The following WASF3 variants were observed in gnomAD, a reference collection of about 807,000 sequenced individuals.
The protein encoded by WASF3 is actin-binding protein WASF3.
In WASF3, 11 loss-of-function variants were observed where a neutral mutation model predicts 46.6. That is an observed-to-expected ratio of 0.24 (90% CI 0.15 to 0.39). The LOEUF is 0.39. Among genes scored for constraint, WASF3 ranks in the 10% least tolerant of loss-of-function variants. WASF3 has a pLI of 1.00. For missense variants in WASF3, 576 were observed against 669.8 expected, an observed-to-expected ratio of 0.86 and a Z score of 1.55; for synonymous variants, 242 against 259.7, an observed-to-expected ratio of 0.93 and a Z score of 0.65.
chr13:26,635,135 A>G (rs1028709354), intron 2 of WASF3, among the ~76,000 whole-genome samples: 1 of 152,200 alleles, frequency 6.6e-6, no homozygotes, highest in Non-Finnish European at 1.5e-5. Context: ...AGTCAAACGT[A>G]GATTTGGTCT....
chr13:26,640,787 T>C (rs1188409958), intron 2 of WASF3: 6 of 152,182 alleles, frequency 3.9e-5, no homozygotes, highest in African/African-American at 1.2e-4. Context: ...TTGGTGATCC[T>C]TGACTCTTAT....
chr13:26,554,571 A>C (rs1879059361), upstream of WASF3, among the ~76,000 whole-genome samples: 1 of 152,222 alleles, frequency 6.6e-6, no homozygotes, highest in Non-Finnish European at 1.5e-5. Context: ...TTAAGAAACG[A>C]AACTTTCTTT....
rs765801765 is a variant in WASF3 at position 26,682,853 on chromosome 13, C to T, written c.1230C>T (p.Pro410=). The change falls in exon 9 of 10, where the codon CCC becomes CCT. Residue 410 remains proline (P), a synonymous_variant. Transcript: ENST00000335327. This position sits in a 1 kb window ranked among gnomAD's most constrained non-coding sequence, Gnocchi z 4.4. ...PPPPPPGPPG[P]GSSLSSSPMH... ...CTCCCCCGCCAGGCCCTCCTGGTCC[C>T]GGGTCTTCTCTTTCGTCCTCCCCAA... 1.1e-5 allele frequency: 18 copies of T among 1,611,700 alleles called. No individual in the cohort carries two copies. Among genetic ancestry groups the T allele is most frequent in the Middle Eastern group, 3.3e-4 (2 of 6,062 alleles).
intron 1 of WASF3, among the ~76,000 whole-genome samples, chr13:26,568,742 T>G (rs1879546363): frequency 6.6e-6 from 1 of 152,206 alleles, no homozygotes. Context: ...TTTGCCATCT[T>G]TGCCAGAGAG....
At chr13:26,681,377 C>G in intron 8 of WASF3, 57 bp downstream of exon 8, 1 of 1,492,686 alleles carries the variant, frequency 6.7e-7, no homozygotes, top group Non-Finnish European at 8.9e-7. Flanking sequence ...GAATCTTGCT[C>G]TATGTGGTAG....
chr13:26,655,946 C>T (rs756726132), intron 3 of WASF3, among the ~76,000 whole-genome samples: 3 of 151,980 alleles, frequency 2.0e-5, no homozygotes, highest in African/African-American at 7.3e-5. Context: ...GGTTTTCTGC[C>T]CTCAGCCCTG....
intron 2 of WASF3, among the ~76,000 whole-genome samples, chr13:26,639,427 A>G (rs1881927541): frequency 1.3e-5 from 2 of 152,228 alleles, no homozygotes; most frequent in Admixed American, 1.3e-4. Context: ...CAATCAGCAA[A>G]CATTTTTTGA....
chr13:26,621,034 C>T (rs1224580091), intron 2 of WASF3, among the ~76,000 whole-genome samples: 1 of 152,096 alleles, frequency 6.6e-6, no homozygotes, highest in Non-Finnish European at 1.5e-5. Context: ...TTCACTCTTC[C>T]ATCCTCAAAC....
At chr13:26,680,240 C>T (rs1883185880) in intron 7 of WASF3, 5 of 1,525,690 alleles carry the variant, frequency 3.3e-6, no homozygotes, top group African/African-American at 2.8e-5. Context: ...CAGACTCAGA[C>T]TGCCCCTGCT....
At chr13:26,546,539 C>G in the WASF3 span, among the ~76,000 whole-genome samples, 1 of 151,990 alleles carries the variant, frequency 6.6e-6, no homozygotes, top group Non-Finnish European at 1.5e-5. Flanking sequence ...GGTGAAACCC[C>G]GTCTCTACTA....
chr13:26,671,651 A>AG (rs1882927209), intron 5 of WASF3, among the ~76,000 whole-genome samples: 1 of 152,118 alleles, frequency 6.6e-6, no homozygotes, highest in Non-Finnish European at 1.5e-5. Context: ...AATTTGCAAG[A>AG]GTACTTTTAA....
chr13:26,684,621 G>C (rs1883344180), intron 9 of WASF3, among the ~76,000 whole-genome samples: 1 of 152,126 alleles, frequency 6.6e-6, no homozygotes, highest in South Asian at 2.1e-4. Context: ...TTGTGATTTT[G>C]ATATTTTGGG....
chr13:26,597,771 C>A (rs1221418241), intron 1 of WASF3, among the ~76,000 whole-genome samples: 1 of 152,128 alleles, frequency 6.6e-6, no homozygotes, highest in East Asian at 1.9e-4. Context: ...CAGCTTCATC[C>A]ATGTCCCTAC....
At chr13:26,677,987 G>GA (rs144439639) in intron 7 of WASF3, among the ~76,000 whole-genome samples, 10,194 of 152,220 alleles carry the variant, frequency 0.067, 382 homozygotes, top group South Asian at 0.1. Context: ...TCAGTTGAAT[G>GA]ATACTCCTTC....
intron 2 of WASF3, 106 bp from the exon 3 acceptor site, chr13:26,642,155 G>T: frequency 7.9e-7 from 1 of 1,269,118 alleles, no homozygotes. Context: ...AGAAATTTTA[G>T]GATAATGAAA....
At chr13:26,540,070 T>A in the WASF3 span, among the ~76,000 whole-genome samples, 1 of 152,112 alleles carries the variant, frequency 6.6e-6, no homozygotes, top group Non-Finnish European at 1.5e-5. Context: ...GTCCTAAGAC[T>A]CAAGCAGACA....
At chr13:26,575,675 A>G (rs1006111860) in intron 1 of WASF3, among the ~76,000 whole-genome samples, 5 of 152,226 alleles carry the variant, frequency 3.3e-5, no homozygotes, top group Non-Finnish European at 2.9e-5. Context: ...TAGTTGAAGG[A>G]CAGGTAGGCT....
chr13:26,657,772 T>G (rs542041042), intron 3 of WASF3, among the ~76,000 whole-genome samples: 1 of 152,360 alleles, frequency 6.6e-6, no homozygotes, highest in Admixed American at 6.5e-5. Flanking sequence ...AGAATTCAGC[T>G]TTTCAAATCA....
At chr13:26,615,180 C>G (rs1369343936) in intron 2 of WASF3, among the ~76,000 whole-genome samples, 1 of 152,028 alleles carries the variant, frequency 6.6e-6, no homozygotes, top group Non-Finnish European at 1.5e-5. Context: ...CTGTGTGTGG[C>G]TAACAGTCGA....
Sources: allele counts gnomAD v4.1 joint callset (sites outside exome capture counted in the v4.1 genomes callset), GRCh38; gene constraint gnomAD v4.1.1; non-coding constraint Gnocchi (gnomAD v3.1); transcripts MANE v1.5; gene names NCBI Gene and HGNC (gene_info 2026-07-23, HGNC 2026-07-21).